Variants in OR2L13 observed in about 807,000 individuals in gnomAD.
OR2L13 encodes the protein olfactory receptor family 2 subfamily L member 13, also known as olfactory receptor 2L13.
In OR2L13, 14 loss-of-function variants were observed where a neutral mutation model predicts 15.3. The observed-to-expected ratio is 0.91, with a 90% CI of 0.60 to 1.43. The LOEUF (loss-of-function observed/expected upper bound fraction) is 1.43, where lower values mean the gene tolerates loss of function less well. OR2L13 is among the 40% of genes most tolerant of loss of function. The probability of loss-of-function intolerance (pLI) is 0.00; values close to 1 mark genes in which losing one functional copy is unlikely to be tolerated. For missense variants in OR2L13, 367 were observed against 387.9 expected (o/e 0.95, Z 0.45); for synonymous variants, 152 against 142.9 (o/e 1.06, Z -0.45).
the OR2L13 span, chr1:248,038,831 C>T: frequency 1.9e-6 from 3 of 1,614,164 alleles, no homozygotes; most frequent in Non-Finnish European, 2.5e-6. Flanking sequence ...CGCTAGCCTG[C>T]ACAGACACTT....
the OR2L13 span, among the ~76,000 whole-genome samples, chr1:247,956,948 C>A: frequency 6.6e-6 from 1 of 152,130 alleles, no homozygotes; most frequent in Admixed American, 6.5e-5. Flanking sequence ...CCTTCTCCTG[C>A]CTGATTGCCC....
At chr1:248,019,515 G>A in the OR2L13 span, among the ~76,000 whole-genome samples, 1 of 152,054 alleles carries the variant, frequency 6.6e-6, no homozygotes, top group Non-Finnish European at 1.5e-5. Context: ...TTACACTTAG[G>A]TCTTTGATTT....
At chr1:248,093,922 A>G (rs1178727361), upstream of OR2L13, among the ~76,000 whole-genome samples, 2 of 152,294 alleles carry the variant, frequency 1.3e-5, no homozygotes, top group East Asian at 3.9e-4. Flanking sequence ...TCGGCAGAGT[A>G]GAGTAGAGTG....
chr1:248,076,963 A>G, the OR2L13 span, among the ~76,000 whole-genome samples: 2 of 152,178 alleles, frequency 1.3e-5, no homozygotes, highest in Non-Finnish European at 2.9e-5. Flanking sequence ...ATTCAATATG[A>G]TATTGGCTGT....
chr1:247,971,764 C>T, the OR2L13 span, among the ~76,000 whole-genome samples: 19 of 152,080 alleles, frequency 1.2e-4, no homozygotes, highest in South Asian at 2.1e-4. Context: ...CTGGACCAAG[C>T]GGACCGAATA....
the OR2L13 span, among the ~76,000 whole-genome samples, chr1:248,010,677 T>C: frequency 6.6e-6 from 1 of 151,912 alleles, no homozygotes; most frequent in Admixed American, 6.6e-5. Flanking sequence ...TACCACTATG[T>C]AATGCCCTTC....
chr1:248,015,809 A>C, the OR2L13 span, among the ~76,000 whole-genome samples: 47 of 152,324 alleles, frequency 3.1e-4, 1 homozygote, highest in Middle Eastern at 6.8e-3. Flanking sequence ...GTGCCTATGC[A>C]AATGATCATA....
At chr1:248,072,435 T>A in the OR2L13 span, among the ~76,000 whole-genome samples, 1 of 152,196 alleles carries the variant, frequency 6.6e-6, no homozygotes, top group African/African-American at 2.4e-5. Context: ...TGTAGAAAGC[T>A]GAAACTGGAT....
the OR2L13 span, chr1:247,949,109 T>C: frequency 1.3e-5 from 21 of 1,613,918 alleles, no homozygotes; most frequent in Non-Finnish European, 1.8e-5. Flanking sequence ...CATCTGATTT[T>C]CTGCATGGAA....
chr1:248,025,843 G>A, the OR2L13 span, among the ~76,000 whole-genome samples: 181 of 151,138 alleles, frequency 1.2e-3, no homozygotes, highest in African/African-American at 4.1e-3. Context: ...GTAAACTATC[G>A]CAAGAACAAA....
chr1:248,061,577 C>T, the OR2L13 span: 1 of 1,613,212 alleles, frequency 6.2e-7, no homozygotes, highest in African/African-American at 1.3e-5. Flanking sequence ...GTGATGGGGG[C>T]CCTGACACGA....
chr1:247,942,799 A>G, the OR2L13 span, among the ~76,000 whole-genome samples: 3 of 152,086 alleles, frequency 2.0e-5, no homozygotes, highest in African/African-American at 7.2e-5. Flanking sequence ...ATATTGTGCA[A>G]TCATCCCTAT....
the OR2L13 span, among the ~76,000 whole-genome samples, chr1:247,960,118 G>C: frequency 2.0e-5 from 3 of 152,132 alleles, no homozygotes; most frequent in African/African-American, 7.2e-5. Context: ...ATGGGGTTTT[G>C]GTGTGGATGT....
chr1:247,939,962 T>C, the OR2L13 span, among the ~76,000 whole-genome samples: 1 of 152,176 alleles, frequency 6.6e-6, no homozygotes, highest in Non-Finnish European at 1.5e-5. Flanking sequence ...ATTAAAAACA[T>C]GTACTAATAT....
the OR2L13 span, chr1:248,083,776 C>T: frequency 6.2e-6 from 10 of 1,613,748 alleles, no homozygotes; most frequent in Admixed American, 6.7e-5. Flanking sequence ...CTATAGAAGG[C>T]TGACACAACC....
chr1:248,027,286 C>T, the OR2L13 span, among the ~76,000 whole-genome samples: 1 of 152,208 alleles, frequency 6.6e-6, no homozygotes, highest in African/African-American at 2.4e-5. Flanking sequence ...TGCTCTCAAA[C>T]CCTGTCTCCT....
chr1:248,038,946 A>G, the OR2L13 span: 5 of 1,614,120 alleles, frequency 3.1e-6, no homozygotes, highest in Admixed American at 8.3e-5. Context: ...TGTCTACCGC[A>G]TGCACTCTGC....
the OR2L13 span, among the ~76,000 whole-genome samples, chr1:248,082,571 C>A: frequency 6.6e-6 from 1 of 152,082 alleles, no homozygotes; most frequent in Non-Finnish European, 1.5e-5. Context: ...TATCATAAAA[C>A]TCTCTAAGAC....
the OR2L13 span, among the ~76,000 whole-genome samples, chr1:247,940,558 A>T: frequency 5.9e-5 from 9 of 152,188 alleles, no homozygotes; most frequent in Non-Finnish European, 1.0e-4. Flanking sequence ...AATTGTTATC[A>T]AAGTTTTGGG....
Sources: gnomAD v4.1 joint callset for allele counts (sites outside exome capture counted in the v4.1 genomes callset) on GRCh38, gnomAD v4.1.1 for gene constraint, MANE v1.5 for transcripts, NCBI Gene and HGNC (gene_info 2026-07-23, HGNC 2026-07-21) for gene names.